The following DPP10 variants were observed in gnomAD, a reference collection of about 807,000 sequenced individuals.
The protein encoded by DPP10 is dipeptidyl peptidase like 10.
A neutral mutation model predicts 120.9 loss-of-function variants in DPP10; 33 were observed. That is an observed-to-expected ratio of 0.27 (90% CI 0.21 to 0.37). The LOEUF is 0.37. Among genes scored for constraint, DPP10 ranks in the 10% least tolerant of loss-of-function variants. The probability of loss-of-function intolerance (pLI) is 1.00; values close to 1 mark genes in which losing one functional copy is unlikely to be tolerated. For synonymous variants in DPP10, 337 were observed against 326.1 expected, an observed-to-expected ratio of 1.03 and a Z score of -0.36; for missense variants, 816 against 942.8, an observed-to-expected ratio of 0.87 and a Z score of 1.76.
intron 3 of DPP10, among the ~76,000 whole-genome samples, chr2:115,452,636 C>G (rs943793576): frequency 1.3e-5 from 2 of 151,920 alleles, no homozygotes; most frequent in Non-Finnish European, 2.9e-5. Context: ...TTCCATAGAT[C>G]TTCATCATTT....
rs1697840284 is a variant in DPP10, at chr2:114,665,342, C to T, written c.60+222504C>T. 2.0e-5 allele frequency among the ~76,000 whole-genome samples: 3 copies of T among 152,206 alleles called. No individual in the cohort carries two copies. The South Asian group carries it at 6.2e-4, about 31-fold the overall frequency. On this transcript the variant is annotated intron_variant, in intron 1 of 25. Coordinates refer to ENST00000410059, the MANE Select transcript of DPP10 (RefSeq NM_020868.6). ...TTTCTACATCCCTGCACATCCTTCT[C>T]ACCTACACATTATCTCTGCCAGAAG...
chr2:115,468,447 C>A, intron 3 of DPP10: 1 of 449,216 alleles, frequency 2.2e-6, no homozygotes. Flanking sequence ...TGGCCACTGT[C>A]CTCTCACAGA....
intron 5 of DPP10, among the ~76,000 whole-genome samples, chr2:115,659,309 C>T (rs1242882637): frequency 4.6e-5 from 7 of 152,070 alleles, no homozygotes; most frequent in Admixed American, 4.6e-4. Flanking sequence ...TGAACTAAGA[C>T]ACATAGTGAG....
intron 1 of DPP10, among the ~76,000 whole-genome samples, chr2:115,033,234 G>A (rs962109721): frequency 6.6e-6 from 1 of 152,148 alleles, no homozygotes; most frequent in Non-Finnish European, 1.5e-5. Context: ...GTGGGAGAGT[G>A]AGGATTAAAC....
intron 5 of DPP10, among the ~76,000 whole-genome samples, chr2:115,576,409 TGA>T (rs1336827634): frequency 3.3e-5 from 5 of 152,166 alleles, no homozygotes; most frequent in African/African-American, 1.2e-4. Context: ...CAGAAATAAA[TGA>T]GTCTCAGGTT....
At chr2:115,244,239 TAGAGAGAGAGAGAGAGAGAGAGAGAG>T (rs67598156) in intron 1 of DPP10, among the ~76,000 whole-genome samples, 1 of 93,476 alleles carries the variant, frequency 1.1e-5, no homozygotes, top group Non-Finnish European at 2.2e-5. Context: ...TATATATATA[TAGAGAGAGAGAGAGAGAGAGAGAGAG>T]AGAGAGAGAG....
intron 1 of DPP10, among the ~76,000 whole-genome samples, chr2:114,916,266 A>G (rs1017897089): frequency 2.0e-5 from 3 of 152,156 alleles, no homozygotes; most frequent in African/African-American, 4.8e-5. Context: ...ACATGCTAAG[A>G]TTGAACCAAG....
At chr2:114,507,398 TA>T (rs1000898129) in intron 1 of DPP10, among the ~76,000 whole-genome samples, 4 of 152,164 alleles carry the variant, frequency 2.6e-5, no homozygotes, top group Non-Finnish European at 4.4e-5. Context: ...CATTCCATGT[TA>T]TACAAACATC....
At chr2:115,290,887 C>G (rs569257653) in intron 1 of DPP10, among the ~76,000 whole-genome samples, 1 of 152,220 alleles carries the variant, frequency 6.6e-6, no homozygotes, top group African/African-American at 2.4e-5. Flanking sequence ...TAAGGCAAAT[C>G]ATTTTGACAG....
intron 2 of DPP10, among the ~76,000 whole-genome samples, chr2:115,330,524 A>G (rs1031187430): frequency 1.2e-4 from 18 of 151,870 alleles, no homozygotes; most frequent in African/African-American, 4.1e-4. Flanking sequence ...CTATGTACTG[A>G]ATGGTATTGC....
At chr2:115,266,272 C>G (rs191754917) in intron 1 of DPP10, among the ~76,000 whole-genome samples, 52 of 152,170 alleles carry the variant, frequency 3.4e-4, no homozygotes, top group Non-Finnish European at 6.9e-4. Flanking sequence ...ATCTTTCATG[C>G]AATGGAGATT....
chr2:115,244,055 G>A (rs1350816286), intron 1 of DPP10, among the ~76,000 whole-genome samples: 1 of 150,970 alleles, frequency 6.6e-6, no homozygotes, highest in Non-Finnish European at 1.5e-5. Context: ...CTTAGAAAAA[G>A]TAATACCTTA....
chr2:115,436,308 T>C (rs2071485387), intron 3 of DPP10, among the ~76,000 whole-genome samples: 1 of 151,828 alleles, frequency 6.6e-6, no homozygotes, highest in Non-Finnish European at 1.5e-5. Flanking sequence ...TAAAATTTGG[T>C]TTAATTTGTC....
chr2:115,079,926 G>A (rs1415741819), intron 1 of DPP10, among the ~76,000 whole-genome samples: 2 of 152,210 alleles, frequency 1.3e-5, no homozygotes, highest in African/African-American at 4.8e-5. Flanking sequence ...GGGCACATAA[G>A]GAGAGGCTTT....
intron 5 of DPP10, among the ~76,000 whole-genome samples, chr2:115,557,064 G>A (rs1236439821): frequency 6.6e-6 from 1 of 152,038 alleles, no homozygotes; most frequent in Non-Finnish European, 1.5e-5. Context: ...GTTTTGCATT[G>A]CGACTTAGAG....
intron 7 of DPP10, among the ~76,000 whole-genome samples, chr2:115,695,844 G>A (rs1489698624): frequency 6.6e-6 from 1 of 152,110 alleles, no homozygotes; most frequent in Admixed American, 6.6e-5. Context: ...AATAATGGAA[G>A]TCATGGAAAA....
chr2:114,842,400 T>G lies in DPP10; in HGVS notation c.60+399562T>G, dbSNP rs533099029. On this transcript the variant is annotated intron_variant, in intron 1 of 25. Transcript: ENST00000410059. The stretch of plus-strand genomic sequence containing the variant: ...CTTCACGGGCATATCCTTTTGGATT[T>G]CTTAGTCAATCATGAATTAGATGAT... 2.6e-5 allele frequency among the ~76,000 whole-genome samples: 4 copies of G among 152,214 alleles called. No individual in the cohort carries two copies. The East Asian group carries it at 7.7e-4, about 29-fold the overall frequency.
At chr2:115,802,987 G>T (rs1685450787) in intron 19 of DPP10, among the ~76,000 whole-genome samples, 1 of 152,146 alleles carries the variant, frequency 6.6e-6, no homozygotes, top group African/African-American at 2.4e-5. Context: ...GGATATCCTT[G>T]TTAACTTTCT....
chr2:115,485,168 A>G (rs956881132), intron 3 of DPP10, among the ~76,000 whole-genome samples: 2 of 151,092 alleles, frequency 1.3e-5, no homozygotes, highest in African/African-American at 2.4e-5. Flanking sequence ...TAAGTCCATT[A>G]TACAATTTTA....
Sources: gnomAD v4.1 joint callset for allele counts (sites outside exome capture counted in the v4.1 genomes callset) on GRCh38, gnomAD v4.1.1 for gene constraint, MANE v1.5 for transcripts, NCBI Gene and HGNC (gene_info 2026-07-23, HGNC 2026-07-21) for gene names.